DENND11: variants seen among roughly 807,000 people sequenced by gnomAD.
DENND11 encodes the protein DENN domain containing 11.
In DENND11, 34 loss-of-function variants were observed where a neutral mutation model predicts 49.2. The observed-to-expected ratio is 0.69, with a 90% CI of 0.53 to 0.92. The LOEUF (loss-of-function observed/expected upper bound fraction) is 0.92, where lower values mean the gene tolerates loss of function less well. Among genes scored for constraint, DENND11 ranks in the 40% least tolerant of loss-of-function variants. The pLI, the probability that DENND11 is intolerant of heterozygous loss-of-function variation, is 0.00. For missense variants in DENND11, 475 were observed against 581.6 expected, an observed-to-expected ratio of 0.82 and a Z score of 1.88; for synonymous variants, 238 against 230.3, an observed-to-expected ratio of 1.03 and a Z score of -0.30.
At chr7:141,667,630 G>A (rs1797915267) in intron 4 of DENND11, among the ~76,000 whole-genome samples, 1 of 152,160 alleles carries the variant, frequency 6.6e-6, no homozygotes, top group African/African-American at 2.4e-5. Context: ...CAGGGAGGCA[G>A]GCAAGAGCAC....
chr7:141,661,898 C>T lies in DENND11; in HGVS notation c.*758G>A, dbSNP rs1348251160. 2.0e-5 allele frequency: 3 copies of T among 152,228 alleles called. No homozygotes were observed. The highest frequency in any genetic ancestry group is 6.5e-5 in the Admixed American group (1 of 15,290). The allele number at this position is 152,228 out of a possible 1,614,324, so 9.4% of individuals were successfully genotyped here. ...ATTTGCTTGCAAGCTCCAAGGCCAG[C>T]ATTGGCCCTTAGCAATTCACCAATT... On this transcript the variant is annotated 3_prime_UTR_variant, in exon 9 of 9. Transcript: ENST00000536163.
chr7:141,677,402 A>AATATAT (rs1212482936), intron 3 of DENND11, among the ~76,000 whole-genome samples: 2 of 75,886 alleles, frequency 2.6e-5, no homozygotes, highest in African/African-American at 3.9e-5. Flanking sequence ...AAAAAAAAAA[A>AATATAT]ATATATATAT....
At chr7:141,680,030 T>C (rs571153687) in intron 3 of DENND11, among the ~76,000 whole-genome samples, 1 of 152,184 alleles carries the variant, frequency 6.6e-6, no homozygotes, top group Non-Finnish European at 1.5e-5. Context: ...ATTACATACA[T>C]ATATCCTTTG....
intron 1 of DENND11, among the ~76,000 whole-genome samples, chr7:141,693,646 A>C (rs1263342011): frequency 6.6e-6 from 1 of 152,246 alleles, no homozygotes; most frequent in East Asian, 1.9e-4. Context: ...CATACAAGGA[A>C]ATACTCTATA....
chr7:141,666,397 T>C lies in DENND11; in HGVS notation c.710A>G (p.Gln237Arg). The part of the protein sequence containing the change: ...KITHPAGCMS[Q>R]FIKFFGEQIL... ...CTGTTCTCCAAAGAACTTTATAAAC[T>C]GAGACATGCAGCCAGCTGGGTGTGT... Residue 237 changes from glutamine (Q) to arginine (R), a missense_variant, in exon 5 of 9, where the codon CAG becomes CGG. Coordinates refer to ENST00000536163, the MANE Select transcript of DENND11 (RefSeq NM_001080392.2). The C allele has an allele frequency of 6.2e-7, 1 of 1,608,634 alleles. No individual in the cohort carries two copies. The highest frequency in any genetic ancestry group is 8.5e-7 in the Non-Finnish European group (1 of 1,175,864).
At chr7:141,667,814 C>T (rs1267730535) in intron 4 of DENND11, among the ~76,000 whole-genome samples, 1 of 152,154 alleles carries the variant, frequency 6.6e-6, no homozygotes, top group East Asian at 1.9e-4. Context: ...TTTCCCTTTC[C>T]AAGGCATCAC....
At chr7:141,666,732 T>C (rs1469029942) in intron 4 of DENND11, among the ~76,000 whole-genome samples, 1 of 152,126 alleles carries the variant, frequency 6.6e-6, no homozygotes, top group African/African-American at 2.4e-5. Flanking sequence ...AATAAAAGCA[T>C]CTGCTTCAAT....
chr7:141,700,842 T>C (rs921183893), intron 1 of DENND11, among the ~76,000 whole-genome samples: 6 of 151,910 alleles, frequency 3.9e-5, no homozygotes, highest in Non-Finnish European at 8.8e-5. Flanking sequence ...TCCTAACCCC[T>C]TTTTTTCTCC....
At chr7:141,674,739 G>A (rs1798039676) in intron 3 of DENND11, among the ~76,000 whole-genome samples, 1 of 152,148 alleles carries the variant, frequency 6.6e-6, no homozygotes, top group Non-Finnish European at 1.5e-5. Context: ...TGTCATCAGG[G>A]CTCATAATTT....
chr7:141,695,825 T>C (rs1320189462), intron 1 of DENND11, among the ~76,000 whole-genome samples: 1 of 152,194 alleles, frequency 6.6e-6, no homozygotes, highest in African/African-American at 2.4e-5. Context: ...CTTGGACCTA[T>C]TACAGGTACT....
intron 4 of DENND11, among the ~76,000 whole-genome samples, chr7:141,673,349 T>C (rs1048996101): frequency 2.0e-5 from 3 of 152,188 alleles, no homozygotes; most frequent in Admixed American, 2.0e-4. Context: ...GCTGAGAAAG[T>C]GACAGACCAT....
At chr7:141,679,699 C>T (rs555834083) in intron 3 of DENND11, among the ~76,000 whole-genome samples, 1 of 134,570 alleles carries the variant, frequency 7.4e-6, no homozygotes, top group African/African-American at 2.8e-5. Context: ...GACACAAGAG[C>T]GAAACTTTAA....
intron 3 of DENND11, among the ~76,000 whole-genome samples, chr7:141,685,030 ATAT>A (rs149285316): frequency 0.026 from 1,760 of 67,630 alleles, 35 homozygotes; most frequent in Non-Finnish European, 0.033. Flanking sequence ...AAAAAAAAAA[ATAT>A]ATATATATAT....
intron 4 of DENND11, among the ~76,000 whole-genome samples, chr7:141,667,345 G>A (rs951973763): frequency 2.0e-5 from 3 of 152,182 alleles, no homozygotes; most frequent in African/African-American, 7.2e-5. Flanking sequence ...TCCAATCCTG[G>A]CCCTGCCATT....
At chr7:141,688,816 T>G (rs1798283275) in intron 1 of DENND11, among the ~76,000 whole-genome samples, 1 of 152,214 alleles carries the variant, frequency 6.6e-6, no homozygotes. Flanking sequence ...ACAGGGTGAT[T>G]CTGCTGATGC....
At chr7:141,673,694 G>A (rs1159976229) in intron 4 of DENND11, among the ~76,000 whole-genome samples, 2 of 152,210 alleles carry the variant, frequency 1.3e-5, no homozygotes, top group Non-Finnish European at 2.9e-5. Context: ...AACAAATACA[G>A]AACGAAGTAA....
chr7:141,671,210 T>G (rs908934590), intron 4 of DENND11, among the ~76,000 whole-genome samples: 1 of 152,186 alleles, frequency 6.6e-6, no homozygotes, highest in Non-Finnish European at 1.5e-5. Flanking sequence ...GAAGTCTCAC[T>G]CTGTTGCCCA....
At position 141,671,177 on chromosome 7, in the gene DENND11, TTTTA is replaced by T. The variant is rs374743362; in HGVS notation, c.681+2886_681+2889del. 4.0e-3 allele frequency among the ~76,000 whole-genome samples: 608 copies of T among 152,090 alleles called. 4 individuals are homozygous for T. The highest frequency in any genetic ancestry group is 0.014 in the African/African-American group (565 of 41,512). On this transcript the variant is annotated intron_variant, in intron 4 of 8. Transcript: ENST00000536163. The stretch of plus-strand genomic sequence containing the variant: ...AGGTTGCTGAAACAAAAGGCACATG[TTTTA>T]TTTATTTATTTATTTAGAGAAGTCT...
chr7:141,691,919 A>G (rs962721213), intron 1 of DENND11, among the ~76,000 whole-genome samples: 4 of 152,112 alleles, frequency 2.6e-5, no homozygotes, highest in African/African-American at 7.2e-5. Flanking sequence ...AAAAAAAAAC[A>G]GATTTATTAA....
Sources: allele counts gnomAD v4.1 joint callset (sites outside exome capture counted in the v4.1 genomes callset), GRCh38; gene constraint gnomAD v4.1.1; transcripts MANE v1.5; gene names NCBI Gene and HGNC (gene_info 2026-07-23, HGNC 2026-07-21).